The following RGS6 variants were observed in gnomAD, a reference collection of about 807,000 sequenced individuals.
The protein encoded by RGS6 is regulator of G-protein signaling 6.
A neutral mutation model predicts 78.5 loss-of-function variants in RGS6; 30 were observed. The ratio of observed to expected loss-of-function variants is 0.38; its 90% CI spans 0.29 to 0.52. The LOEUF is 0.52. Among genes scored for constraint, RGS6 ranks in the 20% least tolerant of loss-of-function variants. The probability of loss-of-function intolerance (pLI) is 0.85; values close to 1 mark genes in which losing one functional copy is unlikely to be tolerated. For missense variants in RGS6, 495 were observed against 609.7 expected, an observed-to-expected ratio of 0.81 and a Z score of 1.98; for synonymous variants, 206 against 206.0, an observed-to-expected ratio of 1.00 and a Z score of 0.00.
chr14:72,144,940 A>T (rs999455626), intron 2 of RGS6, among the ~76,000 whole-genome samples: 3 of 152,144 alleles, frequency 2.0e-5, no homozygotes, highest in Non-Finnish European at 4.4e-5. Context: ...CAGAGTTTTT[A>T]AAGATAATTT....
chr14:72,477,817 GAAAA>G (rs11290622), intron 11 of RGS6, among the ~76,000 whole-genome samples: 11 of 148,398 alleles, frequency 7.4e-5, no homozygotes, highest in African/African-American at 2.2e-4. Context: ...AAGAAAAAAA[GAAAA>G]AAAAACCACA....
At chr14:72,292,286 G>A (rs1482209382) in intron 2 of RGS6, among the ~76,000 whole-genome samples, 2 of 152,216 alleles carry the variant, frequency 1.3e-5, no homozygotes, top group Non-Finnish European at 2.9e-5. Flanking sequence ...TTCTGGCACA[G>A]TGGCTGGAAC....
chr14:72,568,212 A>T (rs2097716205), downstream of RGS6, among the ~76,000 whole-genome samples: 1 of 152,210 alleles, frequency 6.6e-6, no homozygotes, highest in South Asian at 2.1e-4. Flanking sequence ...AGCCACCCTC[A>T]TTCTGAGCCT....
chr14:71,964,257 A>C (rs1207137833), intron 1 of RGS6, among the ~76,000 whole-genome samples: 1 of 152,234 alleles, frequency 6.6e-6, no homozygotes, highest in Non-Finnish European at 1.5e-5. Context: ...CTGTAATGCC[A>C]GCAGTTTGGG....
At chr14:72,296,577 T>C in intron 2 of RGS6, among the ~76,000 whole-genome samples, 1 of 152,210 alleles carries the variant, frequency 6.6e-6, no homozygotes. Context: ...GTAATAATGT[T>C]GATTGCCTTT....
In RGS6 at chr14:72,495,253, T is replaced by A. The variant is rs144932388; in HGVS notation, c.956T>A (p.Ile319Lys). ...AGCGATGACGTTGCTTTGTGGGACA[T>A]AGAGATGAGGTAAAAAATGTTTTAA... is the stretch of plus-strand genomic sequence containing the variant. ...WISDDVALWD[I>K]EMSKEPSQQR... Residue 319 changes from isoleucine (I) to lysine (K), a missense_variant, in exon 13 of 18, where the codon ATA becomes AAA. Coordinates refer to ENST00000553525, the MANE Select transcript of RGS6 (RefSeq NM_001204424.2). 5.0e-6 allele frequency: 8 copies of A among 1,607,714 alleles called. No individual in the cohort carries two copies. The highest frequency in any genetic ancestry group is 6.0e-6 in the Non-Finnish European group (7 of 1,174,298).
At chr14:72,530,303 GCT>G (rs1474448051) in intron 15 of RGS6, among the ~76,000 whole-genome samples, 1 of 152,224 alleles carries the variant, frequency 6.6e-6, no homozygotes, top group East Asian at 1.9e-4. Context: ...GAGCCACCTG[GCT>G]CTGTCAGCCA....
intron 3 of RGS6, among the ~76,000 whole-genome samples, chr14:72,364,095 A>G (rs55662698): frequency 0.063 from 9,469 of 150,862 alleles, 474 homozygotes; most frequent in East Asian, 0.3. Context: ...TTTTCTATCT[A>G]GTTAGAATAC....
chr14:72,008,115 C>G (rs1339035111), intron 2 of RGS6, among the ~76,000 whole-genome samples: 1 of 152,192 alleles, frequency 6.6e-6, no homozygotes, highest in Non-Finnish European at 1.5e-5. Context: ...GAGCTTCCAT[C>G]ATTTGCTTGC....
intron 2 of RGS6, among the ~76,000 whole-genome samples, chr14:72,142,545 C>T (rs1208217209): frequency 1.3e-5 from 2 of 152,192 alleles, no homozygotes; most frequent in African/African-American, 4.8e-5. Flanking sequence ...TGATTTATAT[C>T]AGAGTGCATC....
intron 15 of RGS6, among the ~76,000 whole-genome samples, chr14:72,525,801 T>C (rs932089436): frequency 1.3e-5 from 2 of 152,348 alleles, no homozygotes; most frequent in African/African-American, 4.8e-5. Flanking sequence ...TAGACTCTCA[T>C]GCCAGACATA....
Position 72,547,586 on chromosome 14 carries a change from G to A in RGS6, c.1422+7492G>A, listed in dbSNP as rs148381808. Among the ~76,000 whole-genome samples, 14 of 152,322 alleles carry A rather than the reference G, an allele frequency of 9.2e-5. No individual in the cohort carries two copies. In the East Asian group the frequency reaches 2.1e-3, roughly 23 times the overall value. Reference sequence around the variant, plus strand: ...CAGTGTGGCTAAATGGGACACTGCCGGGGGTGGGACTCAGAGCAGTGGGAT... The same window carrying A: ...CAGTGTGGCTAAATGGGACACTGCCAGGGGTGGGACTCAGAGCAGTGGGAT... On this transcript the variant is annotated intron_variant, in intron 17 of 17. Transcript: ENST00000553525.
chr14:72,137,261 C>A (rs75995207), intron 2 of RGS6, among the ~76,000 whole-genome samples: 1 of 152,214 alleles, frequency 6.6e-6, no homozygotes, highest in African/African-American at 2.4e-5. Context: ...ACCCTTTCTG[C>A]AGCCCTTCAT....
intron 1 of RGS6, among the ~76,000 whole-genome samples, chr14:71,956,330 A>AGTGTGT (rs113351320): frequency 5.4e-5 from 4 of 74,356 alleles, no homozygotes; most frequent in Admixed American, 1.3e-4. Context: ...CAGAACTAAT[A>AGTGTGT]GTGTGTGTGT....
chr14:72,243,042 G>C (rs911375072), intron 2 of RGS6, among the ~76,000 whole-genome samples: 2 of 151,160 alleles, frequency 1.3e-5, no homozygotes, highest in African/African-American at 4.9e-5. Context: ...AATAGAGTCA[G>C]GGTTTCACCA....
At chr14:72,613,594 T>C in the RGS6 span, among the ~76,000 whole-genome samples, 20 of 152,128 alleles carry the variant, frequency 1.3e-4, no homozygotes, top group African/African-American at 4.8e-4. Flanking sequence ...CAAAGGGCCC[T>C]GGGGAGTCAC....
intron 2 of RGS6, among the ~76,000 whole-genome samples, chr14:72,057,335 AAAAAAG>A: frequency 6.7e-6 from 1 of 150,306 alleles, no homozygotes; most frequent in Non-Finnish European, 1.5e-5. Context: ...AAAAAAAAAA[AAAAAAG>A]AATGTTTGCT....
intron 2 of RGS6, among the ~76,000 whole-genome samples, chr14:71,974,478 C>T (rs1333695851): frequency 6.6e-6 from 1 of 152,078 alleles, no homozygotes; most frequent in Non-Finnish European, 1.5e-5. Flanking sequence ...GGAAAGAAAT[C>T]AAATATCCAT....
chr14:72,324,804 C>G (rs981796580), intron 2 of RGS6, among the ~76,000 whole-genome samples: 2 of 151,906 alleles, frequency 1.3e-5, no homozygotes, highest in African/African-American at 2.4e-5. Flanking sequence ...TGAATAGTGC[C>G]GCAATAAACA....
Sources: allele counts gnomAD v4.1 joint callset (sites outside exome capture counted in the v4.1 genomes callset), GRCh38; gene constraint gnomAD v4.1.1; transcripts MANE v1.5; gene names NCBI Gene and HGNC (gene_info 2026-07-23, HGNC 2026-07-21).